Variants in SSH2 observed in about 807,000 individuals in gnomAD.
SSH2 encodes the protein protein phosphatase Slingshot homolog 2.
A neutral mutation model predicts 135.2 loss-of-function variants in SSH2; 37 were observed. The observed-to-expected ratio is 0.27, with a 90% CI of 0.21 to 0.36. SSH2 has a LOEUF of 0.36. Ranked by LOEUF, SSH2 falls within the 10% of genes least tolerant of loss-of-function variation. SSH2 has a pLI of 1.00. For synonymous variants in SSH2, 628 were observed against 646.2 expected (o/e 0.97, Z 0.43); for missense variants, 1,408 against 1,765.3 (o/e 0.80, Z 3.63).
chr17:29,647,608 T>G (rs1177934611), intron 14 of SSH2: 2 of 152,466 alleles, frequency 1.3e-5, no homozygotes, highest in South Asian at 2.1e-4. Flanking sequence ...AAAAAAAATT[T>G]TTGGTACTGC....
intron 3 of SSH2, among the ~76,000 whole-genome samples, chr17:29,755,046 C>A (rs1286637186): frequency 1.3e-5 from 2 of 152,304 alleles, no homozygotes; most frequent in East Asian, 3.9e-4. Flanking sequence ...AAAATGGCCA[C>A]TTGTTTAGTA....
At chr17:29,905,050 G>A (rs926201532) in intron 1 of SSH2, among the ~76,000 whole-genome samples, 10 of 152,140 alleles carry the variant, frequency 6.6e-5, no homozygotes, top group East Asian at 5.8e-4. Context: ...AATCAATATC[G>A]TTAAAATGGC....
intron 4 of SSH2, among the ~76,000 whole-genome samples, chr17:29,700,750 A>C (rs1225982912): frequency 1.3e-5 from 2 of 152,194 alleles, no homozygotes; most frequent in African/African-American, 4.8e-5. Context: ...ATCTTTGATT[A>C]GTTGAAGTAA....
rs571851921 is a variant in SSH2, at chr17:29,837,976, A to G, written c.144+10873T>C. ...CACCCCTGTGCTCTTGGGAGCCTGG[A>G]GCAGGCGGGAGCCCTGCCCTCCCAG... On this transcript the variant is annotated intron_variant, in intron 2 of 15. Coordinates refer to ENST00000540801, the MANE Select transcript of SSH2 (RefSeq NM_001282129.2). Among the ~76,000 whole-genome samples the G allele has an allele frequency of 3.9e-5, 6 of 152,284 alleles. No homozygotes were observed. In the South Asian group the frequency reaches 1.2e-3, roughly 32 times the overall value.
At chr17:29,865,335 G>C (rs985042212) in intron 1 of SSH2, among the ~76,000 whole-genome samples, 1 of 152,194 alleles carries the variant, frequency 6.6e-6, no homozygotes, top group African/African-American at 2.4e-5. Context: ...GGAAGAAAGA[G>C]AATCAGCAGT....
At chr17:29,755,322 GT>G (rs2041079568) in intron 3 of SSH2, among the ~76,000 whole-genome samples, 1 of 152,054 alleles carries the variant, frequency 6.6e-6, no homozygotes, top group African/African-American at 2.4e-5. Context: ...ACACTTAACA[GT>G]ATAATAGTAA....
chr17:29,917,674 G>A (rs2066907224), intron 1 of SSH2, among the ~76,000 whole-genome samples: 1 of 152,138 alleles, frequency 6.6e-6, no homozygotes, highest in Non-Finnish European at 1.5e-5. Flanking sequence ...CTAACATGGT[G>A]AAACCCCATC....
intron 15 of SSH2, among the ~76,000 whole-genome samples, chr17:29,635,145 G>A (rs1288526509): frequency 4.6e-5 from 7 of 152,002 alleles, no homozygotes; most frequent in Non-Finnish European, 8.8e-5. Context: ...CTTGTGATCC[G>A]CCCGCCTTGG....
chr17:29,862,984 T>C (rs2151410017), intron 1 of SSH2, among the ~76,000 whole-genome samples: 1 of 152,286 alleles, frequency 6.6e-6, no homozygotes, highest in South Asian at 2.1e-4. Flanking sequence ...TGGCAAACTA[T>C]AGCCTGTGGG....
At chr17:29,810,320 G>C (rs2042419390) in intron 2 of SSH2, among the ~76,000 whole-genome samples, 1 of 152,114 alleles carries the variant, frequency 6.6e-6, no homozygotes, top group Non-Finnish European at 1.5e-5. Context: ...TAGAAACAAA[G>C]ATGAATGGGT....
intron 3 of SSH2, chr17:29,716,665 C>T (rs2039636785): frequency 1.6e-6 from 1 of 644,150 alleles, no homozygotes; most frequent in Admixed American, 1.8e-5. Flanking sequence ...GGGTGCCTCT[C>T]CTCTTTCCCT....
chr17:29,646,538 C>T (rs943531920), intron 14 of SSH2, among the ~76,000 whole-genome samples: 5 of 152,044 alleles, frequency 3.3e-5, no homozygotes, highest in South Asian at 2.1e-4. Context: ...CTCACTCTGT[C>T]GCCTAGGCCG....
chr17:29,774,511 C>T (rs572817887), intron 3 of SSH2, among the ~76,000 whole-genome samples: 5 of 151,844 alleles, frequency 3.3e-5, no homozygotes, highest in East Asian at 1.9e-4. Flanking sequence ...GTGATCCACC[C>T]GCCTTGGCCT....
At chr17:29,779,074 G>A (rs997875417) in intron 3 of SSH2, among the ~76,000 whole-genome samples, 19 of 151,904 alleles carry the variant, frequency 1.3e-4, no homozygotes, top group East Asian at 5.8e-4. Context: ...ACCTAGATTG[G>A]AAAGATATAC....
At position 29,649,578 on chromosome 17, in the gene SSH2, A is replaced by G. The variant is rs191190292; in HGVS notation, c.1226+1076T>C. On this transcript the variant is annotated intron_variant, in intron 13 of 15. Transcript: ENST00000540801. ...ATTAAAAAAAAATTTTTTTTTGTAG[A>G]AATAGGAGTCTTGCTCAGGCTAATC... Among the ~76,000 whole-genome samples, 1,507 of 152,088 alleles carry G rather than the reference A, an allele frequency of 9.9e-3. 20 individuals are homozygous for G. Among genetic ancestry groups the G allele is most frequent in the African/African-American group, 0.035 (1,446 of 41,462 alleles).
intron 2 of SSH2, among the ~76,000 whole-genome samples, chr17:29,806,528 A>G (rs965649852): frequency 6.6e-6 from 1 of 152,150 alleles, no homozygotes; most frequent in African/African-American, 2.4e-5. Context: ...AGCCCTCAAT[A>G]TGGACATAGA....
intron 15 of SSH2, among the ~76,000 whole-genome samples, chr17:29,635,052 G>A (rs903194993): frequency 3.3e-5 from 5 of 151,724 alleles, no homozygotes; most frequent in East Asian, 2.0e-4. Flanking sequence ...ATAGGCATGC[G>A]CCACCACACC....
At chr17:29,709,015 T>TATATATATATATATATATAG (rs780981175) in intron 3 of SSH2, among the ~76,000 whole-genome samples, 2 of 81,588 alleles carry the variant, frequency 2.5e-5, no homozygotes, top group South Asian at 5.5e-4. Context: ...TATATATATA[T>TATATATATATATATATATAG]AGAGAGAGAG....
At chr17:29,793,712 G>T (rs1376489556) in intron 3 of SSH2, 182 bp downstream of exon 3, 5 of 520,702 alleles carry the variant, frequency 9.6e-6, no homozygotes, top group Non-Finnish European at 1.7e-5. Context: ...CAAGTAGCTG[G>T]AATTACAGGC....
Sources: gnomAD v4.1 joint callset for allele counts (sites outside exome capture counted in the v4.1 genomes callset) on GRCh38, gnomAD v4.1.1 for gene constraint, MANE v1.5 for transcripts, NCBI Gene and HGNC (gene_info 2026-07-23, HGNC 2026-07-21) for gene names.